SLC44A5: variants seen among roughly 807,000 people sequenced by gnomAD.
The protein encoded by SLC44A5 is choline transporter-like protein 5.
Under a neutral mutation model 101.8 loss-of-function variants are expected in SLC44A5, and 57 were observed. The observed-to-expected ratio is 0.56, with a 90% CI of 0.45 to 0.70. The LOEUF (loss-of-function observed/expected upper bound fraction) is 0.70. Among genes scored for constraint, SLC44A5 ranks in the 30% least tolerant of loss-of-function variants. SLC44A5 has a pLI of 0.00. For synonymous variants in SLC44A5, 281 were observed against 290.9 expected, an observed-to-expected ratio of 0.97 and a Z score of 0.35; for missense variants, 737 against 853.1, an observed-to-expected ratio of 0.86 and a Z score of 1.70.
intron 2 of SLC44A5, among the ~76,000 whole-genome samples, chr1:75,414,390 A>G (rs1027081524): frequency 9.2e-5 from 14 of 151,856 alleles, no homozygotes; most frequent in African/African-American, 3.4e-4. Context: ...AGAGAGATGC[A>G]CCAGCAAACC....
chr1:75,510,008 C>T (rs1167661663), intron 2 of SLC44A5, among the ~76,000 whole-genome samples: 1 of 152,126 alleles, frequency 6.6e-6, no homozygotes, highest in Non-Finnish European at 1.5e-5. Context: ...TCTTACATGG[C>T]AGCAAGAAAG....
At chr1:75,251,578 AACTAATTTAATGG>A (rs1649580384) in intron 6 of SLC44A5, among the ~76,000 whole-genome samples, 1 of 152,166 alleles carries the variant, frequency 6.6e-6, no homozygotes, top group Non-Finnish European at 1.5e-5. Flanking sequence ...AATGCTAAAG[AACTAATTTAATGG>A]ATGGTGAAAT....
At chr1:75,626,374 C>T in the SLC44A5 span, among the ~76,000 whole-genome samples, 936 of 152,114 alleles carry the variant, frequency 6.2e-3, 10 homozygotes, top group Non-Finnish European at 9.6e-3. Flanking sequence ...GGCTGACCAT[C>T]TCTCTCTCTC....
At chr1:75,621,903 C>CATATGAAGG in the SLC44A5 span, among the ~76,000 whole-genome samples, 1 of 152,098 alleles carries the variant, frequency 6.6e-6, no homozygotes, top group Non-Finnish European at 1.5e-5. Context: ...ACTCAATTAA[C>CATATGAAGG]ATATGAAGGG....
At chr1:75,415,295 T>C (rs1557761967) in intron 2 of SLC44A5, among the ~76,000 whole-genome samples, 1 of 152,138 alleles carries the variant, frequency 6.6e-6, no homozygotes, top group South Asian at 2.1e-4. Context: ...TGATAGTGAG[T>C]GGGACTGACG....
chr1:75,376,222 T>A (rs1007485542), intron 3 of SLC44A5, among the ~76,000 whole-genome samples: 6 of 152,126 alleles, frequency 3.9e-5, no homozygotes, highest in African/African-American at 1.4e-4. Context: ...AGCACAGCAG[T>A]CTGAGATCAA....
intron 5 of SLC44A5, among the ~76,000 whole-genome samples, chr1:75,278,744 T>C (rs1652139351): frequency 6.6e-6 from 1 of 152,148 alleles, no homozygotes; most frequent in Non-Finnish European, 1.5e-5. Flanking sequence ...AGGAAATATG[T>C]ATATTGAATA....
chr1:75,600,624 T>G (rs1317282631), intron 1 of SLC44A5, among the ~76,000 whole-genome samples: 1 of 152,178 alleles, frequency 6.6e-6, no homozygotes, highest in Non-Finnish European at 1.5e-5. Context: ...TTTTAGTCAA[T>G]GACAGACCAC....
At chr1:75,260,124 C>T (rs576999322) in intron 6 of SLC44A5, among the ~76,000 whole-genome samples, 2 of 152,188 alleles carry the variant, frequency 1.3e-5, no homozygotes, top group South Asian at 2.1e-4. Flanking sequence ...CATCAACTAA[C>T]GAGCAAAATA....
At chr1:75,634,046 C>A in the SLC44A5 span, among the ~76,000 whole-genome samples, 1 of 152,034 alleles carries the variant, frequency 6.6e-6, no homozygotes, top group Non-Finnish European at 1.5e-5. Flanking sequence ...TATATTGAAC[C>A]AGCCTTGCAT....
chr1:75,591,114 C>T (rs774795287), intron 1 of SLC44A5, among the ~76,000 whole-genome samples: 12 of 152,138 alleles, frequency 7.9e-5, no homozygotes, highest in Non-Finnish European at 1.8e-4. Flanking sequence ...GGGAAATAAA[C>T]AAGAGTCTCT....
chr1:75,511,674 T>G (rs758636897), intron 2 of SLC44A5, among the ~76,000 whole-genome samples: 5 of 152,200 alleles, frequency 3.3e-5, no homozygotes, highest in Non-Finnish European at 5.9e-5. Flanking sequence ...GGGATGCCTG[T>G]TTTTGCCAGT....
At position 75,420,283 on chromosome 1, in the gene SLC44A5, T is replaced by A. The variant is rs141511774; in HGVS notation, c.14-23662A>T. ...GGTAGTTTGTTAACAGCAGCCCAAG[T>A]GGACTAAGACAATTGGTAAAAAATA... On this transcript the variant is annotated intron_variant, in intron 2 of 23. Coordinates refer to ENST00000370859, the MANE Select transcript of SLC44A5 (RefSeq NM_001130058.2). Among the ~76,000 whole-genome samples, 4 of 152,218 alleles carry A rather than the reference T, an allele frequency of 2.6e-5. No individual in the cohort carries two copies. The East Asian group carries it at 7.7e-4, about 29-fold the overall frequency.
At chr1:75,702,816 A>G in the SLC44A5 span, among the ~76,000 whole-genome samples, 1 of 152,190 alleles carries the variant, frequency 6.6e-6, no homozygotes, top group African/African-American at 2.4e-5. Context: ...TTTACGAGAA[A>G]AAAACAAACA....
chr1:75,449,197 G>T (rs1399041228), intron 2 of SLC44A5, among the ~76,000 whole-genome samples: 6 of 152,080 alleles, frequency 3.9e-5, no homozygotes, highest in Non-Finnish European at 8.8e-5. Context: ...ATTTATTTTT[G>T]TGATTATTTG....
At chr1:75,397,718 A>G (rs2101409370) in intron 2 of SLC44A5, among the ~76,000 whole-genome samples, 1 of 152,292 alleles carries the variant, frequency 6.6e-6, no homozygotes, top group Non-Finnish European at 1.5e-5. Context: ...TTTGGGTCTA[A>G]TCTTTGTTTA....
At chr1:75,210,203 T>C (rs1401541981) in intron 23 of SLC44A5, among the ~76,000 whole-genome samples, 1 of 151,752 alleles carries the variant, frequency 6.6e-6, no homozygotes, top group Non-Finnish European at 1.5e-5. Flanking sequence ...TGTGCTACCG[T>C]GCCTGGCTAA....
rs74456532 is a variant in SLC44A5, at chr1:75,372,814, A to C, written c.52+23769T>G. Among the ~76,000 whole-genome samples, 8 of 152,350 alleles carry C rather than the reference A, an allele frequency of 5.3e-5. No individual in the cohort carries two copies. The South Asian group carries it at 1.7e-3, about 32-fold the overall frequency. ...ATAATGACCACAGAAATATTTAATG[A>C]AATAGCTTTGGTTGTTCAAACAATG... On this transcript the variant is annotated intron_variant, in intron 3 of 23. Transcript: ENST00000370859.
chr1:75,408,890 T>C (rs1570177950), intron 2 of SLC44A5, among the ~76,000 whole-genome samples: 1 of 152,210 alleles, frequency 6.6e-6, no homozygotes, highest in Admixed American at 6.6e-5. Flanking sequence ...GTACTGTCAC[T>C]TAATAGGTAC....
Sources: gnomAD v4.1 joint callset for allele counts (sites outside exome capture counted in the v4.1 genomes callset) on GRCh38, gnomAD v4.1.1 for gene constraint, MANE v1.5 for transcripts, NCBI Gene and HGNC (gene_info 2026-07-23, HGNC 2026-07-21) for gene names.